The following DNAH7 variants were observed in gnomAD, a reference collection of about 807,000 sequenced individuals.
DNAH7 encodes axonemal beta dynein heavy chain 7.
DNAH7 carries 397 observed loss-of-function variants against 444.6 expected under a neutral mutation model. The ratio of observed to expected loss-of-function variants is 0.89; its 90% CI spans 0.82 to 0.97. The LOEUF is 0.97. Among genes scored for constraint, DNAH7 ranks in the 50% least tolerant of loss-of-function variants. DNAH7 has a pLI of 0.00. For missense variants in DNAH7, 4,902 were observed against 4,800.8 expected (o/e 1.02, Z -0.62); for synonymous variants, 1,636 against 1,624.4 (o/e 1.01, Z -0.17).
Position 195,994,033 on chromosome 2 carries a change from A to C in DNAH7, c.1354-5804T>G, listed in dbSNP as rs1693529615. Among the ~76,000 whole-genome samples, 3 of 152,232 alleles carry C rather than the reference A, an allele frequency of 2.0e-5. No individual in the cohort carries two copies. The South Asian group carries it at 6.2e-4, about 32-fold the overall frequency. ...GAGATCATGGAGCCTGGAGAAAAGC[A>C]GGGTTTTCCCAAGGGAGCCTGCAAC... On this transcript the variant is annotated intron_variant, in intron 12 of 64. Coordinates refer to ENST00000312428, the MANE Select transcript of DNAH7 (RefSeq NM_018897.3).
intron 64 of DNAH7, 72 bp from the exon 65 acceptor site, chr2:195,738,199 T>C (rs1692768630): frequency 4.4e-6 from 6 of 1,361,026 alleles, no homozygotes; most frequent in South Asian, 1.2e-5. Flanking sequence ...GAGCCTACTA[T>C]AGTATTCTCA....
intron 14 of DNAH7, 66 bp downstream of exon 14, chr2:195,987,000 G>C: frequency 7.3e-7 from 1 of 1,373,980 alleles, no homozygotes; most frequent in Non-Finnish European, 9.8e-7. Flanking sequence ...TACTCTAGTT[G>C]AGTGACAGCT....
intron 63 of DNAH7, among the ~76,000 whole-genome samples, chr2:195,745,946 G>A (rs1344535330): frequency 6.6e-6 from 1 of 152,092 alleles, no homozygotes; most frequent in African/African-American, 2.4e-5. Context: ...ATCAACTAAC[G>A]AGCAAAATAA....
intron 38 of DNAH7, 105 bp downstream of exon 38, chr2:195,875,570 T>A: frequency 9.3e-7 from 1 of 1,069,690 alleles, no homozygotes; most frequent in East Asian, 2.6e-5. Flanking sequence ...AGAAAACATA[T>A]ACACAAAACA....
chr2:195,834,430 A>G, intron 47 of DNAH7, 70 bp from the exon 48 acceptor site: 1 of 1,429,002 alleles, frequency 7.0e-7, no homozygotes, highest in Non-Finnish European at 9.3e-7. Context: ...TCATGTTCAC[A>G]TCACAGGTCA....
intron 49 of DNAH7, among the ~76,000 whole-genome samples, chr2:195,820,381 G>A (rs1293550732): frequency 6.6e-6 from 1 of 151,526 alleles, no homozygotes; most frequent in Non-Finnish European, 1.5e-5. Context: ...GTTGATAGGT[G>A]CAGAAAACCA....
At chr2:195,796,763 T>G (rs916509820) in intron 55 of DNAH7, 26 bp from the exon 56 acceptor site, 8 of 1,577,374 alleles carry the variant, frequency 5.1e-6, no homozygotes, top group Non-Finnish European at 6.9e-6. Flanking sequence ...GTAGAGATGT[T>G]ATTTAAAATC....
At chr2:196,011,231 T>C (rs967636976) in intron 10 of DNAH7, among the ~76,000 whole-genome samples, 3 of 152,200 alleles carry the variant, frequency 2.0e-5, no homozygotes, top group Non-Finnish European at 4.4e-5. Flanking sequence ...ATTGAATCAT[T>C]ATGCATTGTA....
At chr2:195,772,466 G>A (rs909396011) in intron 60 of DNAH7, among the ~76,000 whole-genome samples, 5 of 152,064 alleles carry the variant, frequency 3.3e-5, no homozygotes, top group Non-Finnish European at 7.4e-5. Context: ...CAAGGAAGGA[G>A]AATTTCAATT....
chr2:195,952,847 G>A (rs987554306), intron 19 of DNAH7, among the ~76,000 whole-genome samples: 4 of 151,966 alleles, frequency 2.6e-5, no homozygotes, highest in Admixed American at 2.6e-4. Flanking sequence ...TTTTTTCAAG[G>A]TTCTTAGCTT....
intron 17 of DNAH7, among the ~76,000 whole-genome samples, chr2:195,965,446 T>C (rs576594117): frequency 1.3e-5 from 2 of 152,220 alleles, no homozygotes; most frequent in Non-Finnish European, 2.9e-5. Flanking sequence ...GATGTGTCTT[T>C]GTCTAGTTTT....
chr2:196,012,197 A>G (rs888091595), intron 10 of DNAH7, among the ~76,000 whole-genome samples: 1 of 152,138 alleles, frequency 6.6e-6, no homozygotes, highest in Non-Finnish European at 1.5e-5. Flanking sequence ...TAATAACTTA[A>G]TGACCCATGA....
chr2:195,977,770 A>G (rs1404245383), intron 15 of DNAH7, among the ~76,000 whole-genome samples: 1 of 152,120 alleles, frequency 6.6e-6, no homozygotes, highest in Non-Finnish European at 1.5e-5. Context: ...ACAACCCCCA[A>G]TGGAGCTCCA....
chr2:195,913,732 T>G (rs917413496), intron 24 of DNAH7, among the ~76,000 whole-genome samples: 1 of 152,222 alleles, frequency 6.6e-6, no homozygotes, highest in Non-Finnish European at 1.5e-5. Context: ...TTTTTTGTTT[T>G]GAGACGGAGT....
intron 63 of DNAH7, among the ~76,000 whole-genome samples, chr2:195,749,178 A>C (rs1693624877): frequency 6.6e-6 from 1 of 152,252 alleles, no homozygotes; most frequent in African/African-American, 2.4e-5. Flanking sequence ...GAAGGACATG[A>C]AAAAACACTT....
intron 19 of DNAH7, among the ~76,000 whole-genome samples, chr2:195,950,619 C>A (rs998612158): frequency 2.6e-5 from 4 of 151,894 alleles, no homozygotes; most frequent in African/African-American, 9.7e-5. Flanking sequence ...GAGGCTGAAG[C>A]GGGCAGATCA....
chr2:195,919,017 G>A (rs1366934789), intron 24 of DNAH7, among the ~76,000 whole-genome samples: 2 of 152,052 alleles, frequency 1.3e-5, no homozygotes, highest in South Asian at 2.1e-4. Flanking sequence ...TTGGGAGCCC[G>A]AGGCTGGCAG....
At chr2:195,959,695 G>A (rs887684758) in intron 18 of DNAH7, among the ~76,000 whole-genome samples, 1 of 152,106 alleles carries the variant, frequency 6.6e-6, no homozygotes, top group Non-Finnish European at 1.5e-5. Context: ...ACAAAAACTG[G>A]AAACATTGAC....
At chr2:195,995,402 C>A (rs770270548) in intron 12 of DNAH7, 3 of 481,374 alleles carry the variant, frequency 6.2e-6, no homozygotes, top group Non-Finnish European at 8.3e-6. Flanking sequence ...TATCATATGG[C>A]GTTTTTCTGA....
Sources: gnomAD v4.1 joint callset for allele counts (sites outside exome capture counted in the v4.1 genomes callset) on GRCh38, gnomAD v4.1.1 for gene constraint, MANE v1.5 for transcripts, NCBI Gene and HGNC (gene_info 2026-07-23, HGNC 2026-07-21) for gene names.